Variants in TMF1 observed in about 807,000 individuals in gnomAD.
The protein encoded by TMF1 is TATA element modulatory factor.
In TMF1, 71 loss-of-function variants were observed where a neutral mutation model predicts 126.5. The observed-to-expected ratio is 0.56, with a 90% CI of 0.46 to 0.68. The LOEUF is 0.68. TMF1 is among the 30% of genes least tolerant of loss of function. TMF1 has a pLI of 0.00. For missense variants in TMF1, 1,259 were observed against 1,253.2 expected, an observed-to-expected ratio of 1.00 and a Z score of -0.07; for synonymous variants, 461 against 430.5, an observed-to-expected ratio of 1.07 and a Z score of -0.88.
intron 13 of TMF1, among the ~76,000 whole-genome samples, chr3:69,027,511 C>A (rs1183337298): frequency 6.6e-6 from 1 of 151,978 alleles, no homozygotes; most frequent in East Asian, 1.9e-4. Flanking sequence ...CCACTCTGAG[C>A]AGGACACTGA....
rs1037594667 is a variant in TMF1 at position 69,028,229 on chromosome 3, T to G, written c.2661A>C (p.Glu887Asp). The change falls in exon 12 of 17, where the codon GAA (glutamate) becomes GAC (aspartate). Residue 887 changes from glutamate to aspartate, a missense_variant. Coordinates refer to ENST00000398559, the MANE Select transcript of TMF1 (RefSeq NM_007114.3). ...GAGTGGTCACGAAGAGAAATACCTT[T>G]TCTTTCCTCGTCTCTTCAAGTGTTC... ...YVRTLEETRK[E>D]KTLLNSQLEM... 1 of 1,612,362 alleles carries G rather than the reference T, an allele frequency of 6.2e-7. No individual in the cohort carries two copies. The highest frequency in any genetic ancestry group is 1.3e-5 in the African/African-American group (1 of 74,918).
intron 1 of TMF1, among the ~76,000 whole-genome samples, chr3:69,050,703 T>G (rs1249002315): frequency 1.3e-5 from 2 of 152,120 alleles, no homozygotes. Flanking sequence ...TTGTAAAAAG[T>G]AAAGAGGATC....
intron 11 of TMF1, among the ~76,000 whole-genome samples, 163 bp downstream of exon 11, chr3:69,029,652 G>T (rs1378404943): frequency 1.3e-5 from 2 of 152,074 alleles, no homozygotes; most frequent in African/African-American, 2.4e-5. Context: ...TGTTGGCCAG[G>T]CTGGTCTCCA....
At chr3:69,034,251 T>C (rs1283639765) in intron 9 of TMF1, among the ~76,000 whole-genome samples, 1 of 152,114 alleles carries the variant, frequency 6.6e-6, no homozygotes, top group Non-Finnish European at 1.5e-5. Flanking sequence ...GGTGGGTGGA[T>C]CACCTGAAGT....
intron 12 of TMF1, 48 bp from the exon 13 acceptor site, chr3:69,028,040 G>T: frequency 1.6e-6 from 2 of 1,239,896 alleles, no homozygotes; most frequent in African/African-American, 1.5e-5. Flanking sequence ...AGTAATTCAT[G>T]CCATGATAAG....
chr3:69,026,252 CT>C (rs1312585618), intron 13 of TMF1, among the ~76,000 whole-genome samples, 155 bp from the exon 14 acceptor site: 2 of 152,056 alleles, frequency 1.3e-5, no homozygotes, highest in Non-Finnish European at 2.9e-5. Flanking sequence ...AGAAAAAAAA[CT>C]TTTTTAAGAT....
At position 69,043,600 on chromosome 3, in the gene TMF1, C is replaced by T. The variant is rs891594275; in HGVS notation, c.1578+150G>A. The T allele has an allele frequency of 2.2e-5, 16 of 731,210 alleles. No individual in the cohort carries two copies. In the African/African-American group the frequency reaches 2.4e-4, roughly 11 times the overall value. 45.3% of individuals were successfully genotyped at this position (731,210 alleles called of 1,614,324 possible). ...GGGATTATAGACATGAGCCACCACA[C>T]GTGGCCAAAAATCTACAATTTAAAT... On this transcript the variant is annotated intron_variant, in intron 4 of 16. Transcript: ENST00000398559.
At chr3:69,046,151 A>C (rs2091894663) in intron 2 of TMF1, among the ~76,000 whole-genome samples, 1 of 152,188 alleles carries the variant, frequency 6.6e-6, no homozygotes, top group African/African-American at 2.4e-5. Context: ...ATTTTAGAAA[A>C]CCCATAAGAA....
chr3:69,037,863 T>TCA (rs1263345380), intron 8 of TMF1, among the ~76,000 whole-genome samples: 1 of 151,946 alleles, frequency 6.6e-6, no homozygotes, highest in Non-Finnish European at 1.5e-5. Context: ...AGTTACCACT[T>TCA]CACACACACT....
Position 69,020,813 on chromosome 3 carries a change from T to C in TMF1, c.*2364A>G, listed in dbSNP as rs1036356737. The C allele has an allele frequency of 1.4e-4, 22 of 152,308 alleles. No individual in the cohort carries two copies. In the East Asian group the frequency reaches 4.0e-3, roughly 28 times the overall value. The allele number at this position is 152,308 out of a possible 1,614,324, so 9.4% of individuals were successfully genotyped here. ...TAACTAGAAACTATGTAACTAGAAA[T>C]TGTTAATACGGATAAAAAAAGAATG... On this transcript the variant is annotated 3_prime_UTR_variant, in exon 17 of 17. Transcript: ENST00000398559.
chr3:69,044,867 T>C (rs965133896), intron 2 of TMF1, among the ~76,000 whole-genome samples: 3 of 152,316 alleles, frequency 2.0e-5, no homozygotes, highest in Middle Eastern at 3.4e-3. Context: ...ATCTACATAC[T>C]CTTTGATATA....
chr3:69,039,131 C>A, intron 6 of TMF1, 122 bp from the exon 7 acceptor site: 1 of 922,676 alleles, frequency 1.1e-6, no homozygotes, highest in Non-Finnish European at 1.5e-6. Flanking sequence ...AAGTCTCGCT[C>A]TATTGCCCAG....
chr3:69,024,157 T>G lies in TMF1; in HGVS notation c.3036A>C (p.Lys1012Asn), dbSNP rs374604731. The G allele has an allele frequency of 5.6e-5, 90 of 1,606,388 alleles. No homozygotes were observed. Among genetic ancestry groups the G allele is most frequent in the Non-Finnish European group, 7.6e-5 (89 of 1,177,442 alleles). The change falls in exon 16 of 17, where the codon AAA becomes AAC. Residue 1012 changes from lysine (K) to asparagine (N), a missense_variant. Lys to Asn is a moderately conservative substitution (Grantham distance 94). Coordinates refer to ENST00000398559, the MANE Select transcript of TMF1 (RefSeq NM_007114.3). The stretch of plus-strand genomic sequence containing the variant: ...GTTCTTCAGCCATTATTGATCGAGT[T>G]TTTTCTAGATTGCCAATTTCTAGCT... ...HLQLEIGNLE[K>N]TRSIMAEELV... is the part of the protein sequence containing the mutation.
intron 1 of TMF1, among the ~76,000 whole-genome samples, chr3:69,049,208 CA>C (rs1007137498): frequency 4.6e-5 from 7 of 152,090 alleles, no homozygotes; most frequent in African/African-American, 1.7e-4. Flanking sequence ...CCTGTCCCTA[CA>C]AAAAAATTTT....
chr3:69,030,100 AG>A, intron 10 of TMF1, 93 bp from the exon 11 acceptor site: 1 of 1,095,884 alleles, frequency 9.1e-7, no homozygotes, highest in Non-Finnish European at 1.3e-6. Flanking sequence ...TAATGATGCA[AG>A]TAGCCACACT....
In TMF1 at chr3:69,038,713, T is replaced by C. The variant is rs2091846666; in HGVS notation, c.2002A>G (p.Thr668Ala). ...AALDSAYKEL[T>A]DLHKANAAKD... ...GCAGCATTGGCTTTGTGAAGATCAGTAAGTTCTCTTAAAAAATTAGATTGA... is the reference window on the plus strand; with the variant it reads ...GCAGCATTGGCTTTGTGAAGATCAGCAAGTTCTCTTAAAAAATTAGATTGA... Residue 668 changes from threonine (T) to alanine (A), a missense_variant, in exon 8 of 17, where the codon ACT becomes GCT. Coordinates refer to ENST00000398559, the MANE Select transcript of TMF1 (RefSeq NM_007114.3). The C allele has an allele frequency of 1.9e-6, 3 of 1,603,998 alleles. No homozygotes were observed. The highest frequency in any genetic ancestry group is 2.5e-6 in the Non-Finnish European group (3 of 1,176,604).
Position 69,030,898 on chromosome 3 carries a change from AT to A in TMF1, c.2402-892del, listed in dbSNP as rs2091797675. Among the ~76,000 whole-genome samples the A allele has an allele frequency of 3.3e-5, 5 of 152,204 alleles. No individual in the cohort carries two copies. The South Asian group carries it at 1.0e-3, about 32-fold the overall frequency. ...TGACCTGGCAATTGCACACTTGGGCATTTATCTAGAGAAATGAAAACTTAGG... is the reference window on the plus strand; with the variant it reads ...TGACCTGGCAATTGCACACTTGGGCATTATCTAGAGAAATGAAAACTTAGG... On this transcript the variant is annotated intron_variant, in intron 10 of 16. Coordinates refer to ENST00000398559, the MANE Select transcript of TMF1 (RefSeq NM_007114.3).
rs1314217529 is a variant in TMF1 at position 69,033,605 on chromosome 3, G to A, written c.2344C>T (p.Leu782=). The part of the protein sequence containing the change: ...LRQIENLQAT[L]GSQTSSWEKL... ...TCCCACGACGATGTCTGGGATCCCAGGGTTGCTTGCAAATTTTCTATTTGT... is the reference window on the plus strand; with the variant it reads ...TCCCACGACGATGTCTGGGATCCCAAGGTTGCTTGCAAATTTTCTATTTGT... The change falls in exon 10 of 17, where the codon CTG becomes TTG. Residue 782 remains leucine (L), a synonymous_variant. Coordinates refer to ENST00000398559, the MANE Select transcript of TMF1 (RefSeq NM_007114.3). 1 of 1,613,906 alleles carries A rather than the reference G, an allele frequency of 6.2e-7. No homozygotes were observed. Among genetic ancestry groups the A allele is most frequent in the Admixed American group, 1.7e-5 (1 of 59,978 alleles).
At chr3:69,044,645 C>G in intron 2 of TMF1, 50 bp from the exon 3 acceptor site, 2 of 1,219,050 alleles carry the variant, frequency 1.6e-6, no homozygotes, top group Non-Finnish European at 1.2e-6. Flanking sequence ...TTAAAAAAGA[C>G]CATTTTTACA....
Sources: allele counts gnomAD v4.1 joint callset (sites outside exome capture counted in the v4.1 genomes callset), GRCh38; gene constraint gnomAD v4.1.1; transcripts MANE v1.5; gene names NCBI Gene and HGNC (gene_info 2026-07-23, HGNC 2026-07-21).